Variants in SMAP2 observed in about 807,000 individuals in gnomAD.
The protein encoded by SMAP2 is stromal membrane-associated protein 2.
A neutral mutation model predicts 56.4 loss-of-function variants in SMAP2; 25 were observed. The ratio of observed to expected loss-of-function variants is 0.44; its 90% CI spans 0.32 to 0.62. SMAP2 has a LOEUF of 0.62. Among genes scored for constraint, SMAP2 ranks in the 20% least tolerant of loss-of-function variants. SMAP2 has a pLI of 0.04. For missense variants in SMAP2, 388 were observed against 545.6 expected, an observed-to-expected ratio of 0.71 and a Z score of 2.88; for synonymous variants, 157 against 181.7, an observed-to-expected ratio of 0.86 and a Z score of 1.09.
In SMAP2 at chr1:40,403,965, T is replaced by G. The variant is rs1040237145; in HGVS notation, c.104-2771T>G. 9.2e-5 allele frequency among the ~76,000 whole-genome samples: 14 copies of G among 152,114 alleles called. 1 individual carries two copies. The highest frequency in any genetic ancestry group is 5.8e-4 in the East Asian group (3 of 5,152). ...ATTAAAAAATTAGCTGGGCATGGTG[T>G]TGCATGCCTGTAGTCCCAGCTACAT... On this transcript the variant is annotated intron_variant, in intron 1 of 9. Transcript: ENST00000372718.
rs1427900087 is a variant in SMAP2 at position 40,385,841 on chromosome 1, T to C, written c.103+11618T>C. 2.0e-5 allele frequency among the ~76,000 whole-genome samples: 3 copies of C among 152,192 alleles called. No individual in the cohort carries two copies. The highest frequency in any genetic ancestry group is 7.2e-5 in the African/African-American group (3 of 41,440). On this transcript the variant is annotated intron_variant, in intron 1 of 9. Coordinates refer to ENST00000372718, the MANE Select transcript of SMAP2 (RefSeq NM_022733.3). This position sits in a 1 kb window ranked among gnomAD's most constrained non-coding sequence, Gnocchi z 4.5. ...CACACAGTACATTTTGTTCTTTAAC[T>C]TCCTCTTTTCTTGTCTAACTGGAAG...
chr1:40,377,102 A>T (rs1252990315), intron 1 of SMAP2, among the ~76,000 whole-genome samples: 1 of 152,110 alleles, frequency 6.6e-6, no homozygotes, highest in East Asian at 1.9e-4. Context: ...CCTGGGCAAC[A>T]TAGTGTGACC....
intron 1 of SMAP2, among the ~76,000 whole-genome samples, chr1:40,397,349 C>G (rs12060506): frequency 6.6e-6 from 1 of 152,278 alleles, no homozygotes; most frequent in East Asian, 1.9e-4. Context: ...ACTGCACTAA[C>G]TGAGATTTTA....
intron 2 of SMAP2, among the ~76,000 whole-genome samples, chr1:40,407,538 A>C (rs569595547): frequency 6.6e-6 from 1 of 152,152 alleles, no homozygotes; most frequent in South Asian, 2.1e-4. Context: ...CCTCCAAATC[A>C]TAGACTTATG....
At chr1:40,419,543 C>T (rs1048804767) in intron 9 of SMAP2, among the ~76,000 whole-genome samples, 5 of 152,092 alleles carry the variant, frequency 3.3e-5, no homozygotes, top group Non-Finnish European at 7.4e-5. Context: ...CCTTGGCCTC[C>T]CAAAGTGCTG....
rs889279005 is a variant in SMAP2 at position 40,374,052 on chromosome 1, C to G, written c.-69C>G. On this transcript the variant is annotated 5_prime_UTR_variant, in exon 1 of 10. Coordinates refer to ENST00000372718, the MANE Select transcript of SMAP2 (RefSeq NM_022733.3). This position sits in a 1 kb window ranked among gnomAD's most constrained non-coding sequence, Gnocchi z 5.9. ...GCGGGGGACCGGGAGTCCTCAACCC[C>G]GGACTGAGGCAGGGGTCTCTGGGGG... The G allele has an allele frequency of 7.8e-7, 1 of 1,283,120 alleles. No homozygotes were observed. Among genetic ancestry groups the G allele is most frequent in the African/African-American group, 1.5e-5 (1 of 68,254 alleles). The allele number at this position is 1,283,120 out of a possible 1,614,324, so 79.5% of individuals were successfully genotyped here.
chr1:40,350,567 G>T (rs1261111847), intron 1 of SMAP2, among the ~76,000 whole-genome samples: 5 of 152,172 alleles, frequency 3.3e-5, no homozygotes, highest in African/African-American at 1.2e-4. Flanking sequence ...AATTTGTCTG[G>T]TGATTTGCAA....
At chr1:40,379,570 T>C (rs1342501498) in intron 1 of SMAP2, among the ~76,000 whole-genome samples, 1 of 148,434 alleles carries the variant, frequency 6.7e-6, no homozygotes, top group Non-Finnish European at 1.5e-5. Context: ...TTTTTTTTTT[T>C]TTTTTTTTTG....
At chr1:40,347,025 T>C (rs1310590817) in intron 1 of SMAP2, among the ~76,000 whole-genome samples, 1 of 26,198 alleles carries the variant, frequency 3.8e-5, no homozygotes, top group Non-Finnish European at 9.0e-5. Context: ...TAAAAATCTA[T>C]TTATTTATTT....
chr1:40,409,227 T>A (rs1453237932), intron 3 of SMAP2, among the ~76,000 whole-genome samples: 1 of 152,148 alleles, frequency 6.6e-6, no homozygotes, highest in Non-Finnish European at 1.5e-5. Context: ...CAAAACCAAA[T>A]CCCTTAAAGG....
At chr1:40,395,349 G>A (rs1253278385) in intron 1 of SMAP2, among the ~76,000 whole-genome samples, 2 of 152,068 alleles carry the variant, frequency 1.3e-5, no homozygotes, top group Non-Finnish European at 2.9e-5. Context: ...TGCTGGGAGA[G>A]ACAACAAGGA....
intron 1 of SMAP2, among the ~76,000 whole-genome samples, chr1:40,345,348 G>A (rs888426858): frequency 5.9e-5 from 9 of 151,432 alleles, no homozygotes; most frequent in Non-Finnish European, 1.2e-4. Flanking sequence ...AGCCATGATC[G>A]TGCCACTGCA....
At chr1:40,392,652 C>G (rs1644728159) in intron 1 of SMAP2, among the ~76,000 whole-genome samples, 1 of 152,130 alleles carries the variant, frequency 6.6e-6, no homozygotes, top group Admixed American at 6.5e-5. Context: ...GCTGAAATAT[C>G]ATAGGCTAAC....
intron 1 of SMAP2, among the ~76,000 whole-genome samples, chr1:40,402,999 G>A (rs1244109773): frequency 6.6e-6 from 1 of 152,104 alleles, no homozygotes; most frequent in Non-Finnish European, 1.5e-5. Context: ...AAGCACAAGG[G>A]CAGGGTGGGG....
At chr1:40,415,931 A>G (rs1644982233) in intron 7 of SMAP2, among the ~76,000 whole-genome samples, 1 of 152,144 alleles carries the variant, frequency 6.6e-6, no homozygotes, top group South Asian at 2.1e-4. Context: ...CTGCTGCATC[A>G]TTTGTGGGTT....
At chr1:40,352,313 C>T (rs1644412167) in intron 1 of SMAP2, among the ~76,000 whole-genome samples, 1 of 152,056 alleles carries the variant, frequency 6.6e-6, no homozygotes, top group Non-Finnish European at 1.5e-5. Context: ...ACCCTCTGTC[C>T]AGCTTCTCCT....
At position 40,374,839 on chromosome 1, in the gene SMAP2, G is replaced by A; in HGVS notation, c.103+616G>A. ...GCAGTGGGAAACTGCCTTATGCAGT[G>A]ACACAGTGCGGATTTCTAGGCAGTG... is the stretch of plus-strand genomic sequence containing the variant. On this transcript the variant is annotated intron_variant, in intron 1 of 9. Transcript: ENST00000372718. This position sits in a 1 kb window ranked among gnomAD's most constrained non-coding sequence, Gnocchi z 5.9. 6.5e-7 allele frequency: 1 copy of A among 1,539,038 alleles called. No homozygotes were observed. The highest frequency in any genetic ancestry group is 8.8e-7 in the Non-Finnish European group (1 of 1,140,466).
chr1:40,395,124 G>A (rs772017899), intron 1 of SMAP2, among the ~76,000 whole-genome samples: 48 of 152,160 alleles, frequency 3.2e-4, no homozygotes, highest in Non-Finnish European at 3.1e-4. Flanking sequence ...ATGGTGGGGG[G>A]TCCAGTGACA....
At chr1:40,364,807 A>G (rs1283178756) in intron 2 of SMAP2, 1 of 154,336 alleles carries the variant, frequency 6.5e-6, no homozygotes, top group Non-Finnish European at 1.4e-5. Context: ...GGTGCTGAAA[A>G]GCTCAATAAG....
Sources: gnomAD v4.1 joint callset for allele counts (sites outside exome capture counted in the v4.1 genomes callset) on GRCh38, gnomAD v4.1.1 for gene constraint, Gnocchi (gnomAD v3.1) non-coding constraint, MANE v1.5 for transcripts, NCBI Gene and HGNC (gene_info 2026-07-23, HGNC 2026-07-21) for gene names.